The following SLC37A1 variants were observed in gnomAD, a reference collection of about 807,000 sequenced individuals.
SLC37A1 encodes the protein solute carrier family 37 member 1.
A neutral mutation model predicts 75.3 loss-of-function variants in SLC37A1; 49 were observed. That is an observed-to-expected ratio of 0.65 (90% confidence interval 0.52 to 0.83). SLC37A1 has a LOEUF of 0.83. Ranked by LOEUF, SLC37A1 falls within the 40% of genes least tolerant of loss-of-function variation. The pLI is 0.00. For synonymous variants in SLC37A1, 268 were observed against 292.1 expected, an observed-to-expected ratio of 0.92 and a Z score of 0.84; for missense variants, 566 against 695.0, an observed-to-expected ratio of 0.81 and a Z score of 2.09.
At chr21:42,528,216 G>A (rs899899652) in intron 3 of SLC37A1, among the ~76,000 whole-genome samples, 20 of 152,054 alleles carry the variant, frequency 1.3e-4, no homozygotes, top group African/African-American at 4.3e-4. Flanking sequence ...TATTTTTCTC[G>A]ATGATGATGA....
chr21:42,546,107 C>T (rs538152155), intron 8 of SLC37A1, among the ~76,000 whole-genome samples: 1 of 152,304 alleles, frequency 6.6e-6, no homozygotes, highest in African/African-American at 2.4e-5. Flanking sequence ...TAACCAGTTT[C>T]ATCCAAGGTG....
At chr21:42,557,394 G>A (rs1391752336) in intron 10 of SLC37A1, among the ~76,000 whole-genome samples, 1 of 152,282 alleles carries the variant, frequency 6.6e-6, no homozygotes, top group Non-Finnish European at 1.5e-5. Context: ...TAAACTGGAC[G>A]ATTAGCAGAA....
At chr21:42,567,848 C>T (rs7275830) in intron 16 of SLC37A1, among the ~76,000 whole-genome samples, 83,595 of 151,994 alleles carry the variant, frequency 0.55, 23,851 homozygotes, top group Admixed American at 0.67. Context: ...CGAGGACCTG[C>T]GCCAGCCTTG....
Position 42,517,644 on chromosome 21 carries a change from G to A in SLC37A1, c.-178-633G>A, listed in dbSNP as rs576759028. ...GTGCTGGGCCCCTTCTCAGTTCTCT[G>A]GCCTCCCTCCCCATTCCTTCCTATA... is the stretch of plus-strand genomic sequence containing the variant. On this transcript the variant is annotated intron_variant, in intron 1 of 19. Transcript: ENST00000352133. Among the ~76,000 whole-genome samples, 171 of 152,190 alleles carry A rather than the reference G, an allele frequency of 1.1e-3. 2 individuals are homozygous for A. The highest frequency in any genetic ancestry group is 3.9e-3 in the African/African-American group (161 of 41,482).
intron 17 of SLC37A1, among the ~76,000 whole-genome samples, chr21:42,571,523 G>A (rs185097927): frequency 2.9e-4 from 44 of 152,250 alleles, no homozygotes; most frequent in East Asian, 2.7e-3. Context: ...GCGGCGTTCC[G>A]TCCCCCTCCC....
chr21:42,507,227 A>T (rs2146680116), intron 2 of SLC37A1, among the ~76,000 whole-genome samples: 1 of 152,346 alleles, frequency 6.6e-6, no homozygotes, highest in South Asian at 2.1e-4. Context: ...CTTTTTTAGA[A>T]AAGATTTAAG....
intron 11 of SLC37A1, 184 bp from the exon 12 acceptor site, chr21:42,561,893 TC>T (rs2055839996): frequency 3.4e-6 from 2 of 584,286 alleles, no homozygotes; most frequent in African/African-American, 1.9e-5. Context: ...GCTCCACTGT[TC>T]CCGCGTCCTC....
chr21:42,579,710 G>A (rs1009083032), intron 18 of SLC37A1, 26 bp from the exon 19 acceptor site: 3 of 1,613,994 alleles, frequency 1.9e-6, no homozygotes, highest in Admixed American at 1.7e-5. Context: ...CCAGTAACAG[G>A]TGGGCTCACC....
intron 18 of SLC37A1, among the ~76,000 whole-genome samples, chr21:42,578,461 A>G (rs1397454307): frequency 6.6e-6 from 1 of 152,204 alleles, no homozygotes; most frequent in Non-Finnish European, 1.5e-5. Flanking sequence ...TTTCATAATC[A>G]TAGGCCTCTT....
chr21:42,503,415 G>T (rs2054358209), intron 2 of SLC37A1, among the ~76,000 whole-genome samples: 1 of 149,566 alleles, frequency 6.7e-6, no homozygotes, highest in African/African-American at 2.5e-5. Context: ...ACACCTGGCT[G>T]ATTTTTTGTA....
At chr21:42,511,568 T>A (rs949759849), upstream of SLC37A1, among the ~76,000 whole-genome samples, 5 of 152,190 alleles carry the variant, frequency 3.3e-5, no homozygotes. Flanking sequence ...GGAAGACTGC[T>A]TGAACCTGGG....
chr21:42,521,294 A>G (rs939272073), intron 2 of SLC37A1, among the ~76,000 whole-genome samples: 1 of 152,248 alleles, frequency 6.6e-6, no homozygotes, highest in African/African-American at 2.4e-5. Flanking sequence ...TACTCTGAAC[A>G]GGACATGGCA....
Position 42,501,584 on chromosome 21 carries a change from C to T in SLC37A1, c.-300-712C>T, listed in dbSNP as rs1471034814. ...AAAATTAGCTGGGCATGGTGGCGGG[C>T]GCCTGTAATCCCAGCCACTCAGGAG... On this transcript the variant is annotated intron_variant, in intron 1 of 20. Transcript: ENST00000398341. Among the ~76,000 whole-genome samples the T allele has an allele frequency of 3.9e-5, 6 of 152,034 alleles. No individual in the cohort carries two copies. In the East Asian group the frequency reaches 7.7e-4, roughly 20 times the overall value.
chr21:42,510,053 T>C (rs773465852), upstream of SLC37A1, among the ~76,000 whole-genome samples: 10 of 152,188 alleles, frequency 6.6e-5, no homozygotes, highest in Non-Finnish European at 1.0e-4. Flanking sequence ...AGGATTTCTG[T>C]AGGCAGCTAA....
chr21:42,559,018 G>A lies in SLC37A1; in HGVS notation c.910G>A (p.Val304Ile), dbSNP rs764995596. The change falls in exon 11 of 20, where the codon GTC becomes ATC. Residue 304 changes from valine to isoleucine, a missense_variant. Physicochemically the swap from Val to Ile is conservative, Grantham distance 29. Coordinates refer to ENST00000352133, the MANE Select transcript of SLC37A1 (RefSeq NM_001320537.2). Reference sequence around the variant, plus strand: ...GAAGGGCTCCATCCACCCGAACCACGTCGTCATTCTCCCCGGGGACGGTGG... The same window carrying A: ...GAAGGGCTCCATCCACCCGAACCACATCGTCATTCTCCCCGGGGACGGTGG... ...DGKGSIHPNH[V>I]VILPGDGGSG... 5 of 1,613,772 alleles carry A rather than the reference G, an allele frequency of 3.1e-6. No individual in the cohort carries two copies. The highest frequency in any genetic ancestry group is 2.2e-5 in the East Asian group (1 of 44,844).
chr21:42,527,619 T>G (rs2054830665), intron 3 of SLC37A1, among the ~76,000 whole-genome samples: 1 of 152,192 alleles, frequency 6.6e-6, no homozygotes, highest in Non-Finnish European at 1.5e-5. Context: ...GGCTCGGGTC[T>G]TCGTTCCCCA....
intron 18 of SLC37A1, chr21:42,576,100 C>A: frequency 2.6e-6 from 1 of 378,060 alleles, no homozygotes; most frequent in Non-Finnish European, 3.6e-6. Context: ...GCTCAGGAAT[C>A]AACGGGTTGG....
rs1326586681 is a variant in SLC37A1 at position 42,565,939 on chromosome 21, G to A, written c.1270+64G>A. On this transcript the variant is annotated intron_variant, in intron 15 of 19. Transcript: ENST00000352133. ...TTTTTAAAGTTCACACAGCTGGCAA[G>A]ATGAAATACTAAAATCAACAGGCGC... 12 of 1,512,426 alleles carry A rather than the reference G, an allele frequency of 7.9e-6. No homozygotes were observed. In the East Asian group the frequency reaches 9.0e-5, roughly 11 times the overall value. 93.7% of individuals were successfully genotyped at this position (1,512,426 alleles called of 1,614,324 possible). A position where few individuals can be genotyped will look rare whatever the true frequency, so the allele number is the denominator to read the frequency against.
At chr21:42,535,258 TA>T (rs1216003290) in intron 4 of SLC37A1, among the ~76,000 whole-genome samples, 2 of 152,238 alleles carry the variant, frequency 1.3e-5, no homozygotes, top group Non-Finnish European at 2.9e-5. Flanking sequence ...ACGCCTGTAT[TA>T]TATTTAGTGA....
Sources: allele counts gnomAD v4.1 joint callset (sites outside exome capture counted in the v4.1 genomes callset), GRCh38; gene constraint gnomAD v4.1.1; transcripts MANE v1.5; gene names NCBI Gene and HGNC (gene_info 2026-07-23, HGNC 2026-07-21).